The following GRB10 variants were observed in gnomAD, a reference collection of about 807,000 sequenced individuals.
GRB10 encodes the protein growth factor receptor-bound protein 10.
A neutral mutation model predicts 80.9 loss-of-function variants in GRB10; 20 were observed. That is an observed-to-expected ratio of 0.25 (90% CI 0.17 to 0.36). The LOEUF (loss-of-function observed/expected upper bound fraction) is 0.36, where lower values mean the gene tolerates loss of function less well. GRB10 is among the 10% of genes least tolerant of loss of function. The probability of loss-of-function intolerance (pLI) is 1.00; values close to 1 mark genes in which losing one functional copy is unlikely to be tolerated. For synonymous variants in GRB10, 291 were observed against 291.5 expected (o/e 1.00, Z 0.02); for missense variants, 548 against 747.7 (o/e 0.73, Z 3.12).
chr7:50,720,088 G>GCACTTTTCCTACCACT (rs2067470913), intron 4 of GRB10, among the ~76,000 whole-genome samples: 1 of 152,042 alleles, frequency 6.6e-6, no homozygotes, highest in African/African-American at 2.4e-5. Context: ...AAGAAACACG[G>GCACTTTTCCTACCACT]TTTCCTACCA....
At chr7:50,784,899 G>C (rs1199719771), upstream of GRB10, among the ~76,000 whole-genome samples, 1 of 152,234 alleles carries the variant, frequency 6.6e-6, no homozygotes, top group Non-Finnish European at 1.5e-5. Context: ...AAAACAAGAA[G>C]ATTAATCGGA....
intron 8 of GRB10, among the ~76,000 whole-genome samples, chr7:50,623,245 C>A (rs1454681864): frequency 6.6e-6 from 1 of 152,208 alleles, no homozygotes; most frequent in African/African-American, 2.4e-5. Flanking sequence ...ACATCCCCAA[C>A]AGGTAGAACC....
intron 14 of GRB10, 50 bp downstream of exon 14, chr7:50,606,287 T>A: frequency 7.1e-7 from 1 of 1,401,816 alleles, no homozygotes; most frequent in South Asian, 1.2e-5. Flanking sequence ...ACACATGTGA[T>A]GCAGAAGCTG....
At chr7:50,781,900 G>C (rs1305880450) in intron 1 of GRB10, among the ~76,000 whole-genome samples, 2 of 152,238 alleles carry the variant, frequency 1.3e-5, no homozygotes, top group Non-Finnish European at 2.9e-5. Flanking sequence ...TGGAGAAAGA[G>C]GCAACGTTGA....
At chr7:50,650,762 G>A (rs958004517) in intron 7 of GRB10, among the ~76,000 whole-genome samples, 5 of 152,188 alleles carry the variant, frequency 3.3e-5, no homozygotes, top group Non-Finnish European at 7.3e-5. Flanking sequence ...GACACCAGGT[G>A]AGAAGTTAGA....
At chr7:50,705,922 C>T (rs982403657) in intron 4 of GRB10, among the ~76,000 whole-genome samples, 6 of 152,226 alleles carry the variant, frequency 3.9e-5, no homozygotes, top group African/African-American at 1.4e-4. Context: ...GCTCCCCTGG[C>T]TATCTGAGAG....
At chr7:50,653,168 C>A (rs528054119) in intron 7 of GRB10, among the ~76,000 whole-genome samples, 1 of 152,168 alleles carries the variant, frequency 6.6e-6, no homozygotes, top group Non-Finnish European at 1.5e-5. Flanking sequence ...TTCCTGGGCA[C>A]GGGCAGCAGG....
intron 4 of GRB10, among the ~76,000 whole-genome samples, chr7:50,716,124 G>A (rs560121846): frequency 5.9e-5 from 9 of 152,330 alleles, no homozygotes; most frequent in Admixed American, 4.6e-4. Flanking sequence ...CCAAGACTGG[G>A]AAGAACCACC....
intron 2 of GRB10, among the ~76,000 whole-genome samples, chr7:50,768,395 A>C (rs1272916986): frequency 6.6e-6 from 1 of 152,190 alleles, no homozygotes; most frequent in African/African-American, 2.4e-5. Context: ...TTAAGACTTC[A>C]ATTGCCCTAA....
Position 50,605,415 on chromosome 7 carries a change from G to C in GRB10, c.1273-9C>G. 1 of 1,604,584 alleles carries C rather than the reference G, an allele frequency of 6.2e-7. No individual in the cohort carries two copies. The stretch of plus-strand genomic sequence containing the variant: ...TTCTCGGAGACACTGCGCTGAAAAG[G>C]AAAGGCCGCAGTTCTTAAAATGCAG... On this transcript the variant is annotated splice_polypyrimidine_tract_variant and intron_variant, in intron 14 of 18. Coordinates refer to ENST00000401949, the MANE Select transcript of GRB10 (RefSeq NM_001350814.2).
chr7:50,736,981 C>A (rs2070904608), intron 3 of GRB10, among the ~76,000 whole-genome samples: 1 of 152,024 alleles, frequency 6.6e-6, no homozygotes, highest in Non-Finnish European at 1.5e-5. Flanking sequence ...TTAAATATGA[C>A]AATGATTTCT....
At chr7:50,680,328 C>A (rs2061403944) in intron 5 of GRB10, among the ~76,000 whole-genome samples, 1 of 152,210 alleles carries the variant, frequency 6.6e-6, no homozygotes, top group South Asian at 2.1e-4. Flanking sequence ...CTTCTCCCAA[C>A]CTTTGTTGAA....
intron 5 of GRB10, 97 bp downstream of exon 5, chr7:50,703,724 A>G: frequency 1.2e-6 from 1 of 838,580 alleles, no homozygotes; most frequent in Non-Finnish European, 2.1e-6. Flanking sequence ...TAGAATTGTA[A>G]TCTATTAGTG....
chr7:50,608,927 C>G (rs901489719), intron 13 of GRB10, among the ~76,000 whole-genome samples: 1 of 147,098 alleles, frequency 6.8e-6, no homozygotes, highest in Non-Finnish European at 1.5e-5. Context: ...CTCATGCCAC[C>G]GTACTCCAGC....
rs116937046 is a variant in GRB10, at chr7:50,686,576, G to C, written c.140-11918C>G. On this transcript the variant is annotated intron_variant, in intron 5 of 18. Coordinates refer to ENST00000401949, the MANE Select transcript of GRB10 (RefSeq NM_001350814.2). ...CAAGCACAGGGAGAGAGATTTCACA[G>C]TGGGGAGTCATGAGAGAGGAAAAGA... Among the ~76,000 whole-genome samples, 187 of 152,332 alleles carry C rather than the reference G, an allele frequency of 1.2e-3. 1 individual carries two copies. Among genetic ancestry groups the C allele is most frequent in the Non-Finnish European group, 1.7e-3 (113 of 68,032 alleles).
chr7:50,755,130 G>C (rs1045698722), intron 3 of GRB10, among the ~76,000 whole-genome samples: 5 of 152,232 alleles, frequency 3.3e-5, no homozygotes, highest in African/African-American at 1.2e-4. Context: ...ATACTGCGGG[G>C]AAGCCCGAGC....
chr7:50,667,469 A>T (rs189533962), intron 7 of GRB10, among the ~76,000 whole-genome samples: 7 of 152,250 alleles, frequency 4.6e-5, no homozygotes, highest in African/African-American at 1.7e-4. Context: ...CTTTTCCTCA[A>T]GCAAGGGGCA....
chr7:50,729,750 C>T (rs998162886), intron 4 of GRB10, among the ~76,000 whole-genome samples: 2 of 141,584 alleles, frequency 1.4e-5, no homozygotes, highest in African/African-American at 2.5e-5. Context: ...GGCAGCCGGC[C>T]CTCTCTCCCC....
At chr7:50,619,311 A>G in intron 8 of GRB10, 26 bp from the exon 9 acceptor site, 1 of 1,331,068 alleles carries the variant, frequency 7.5e-7, no homozygotes. Context: ...ATCACGTGTG[A>G]GACGCAACAG....
Sources: allele counts gnomAD v4.1 joint callset (sites outside exome capture counted in the v4.1 genomes callset), GRCh38; gene constraint gnomAD v4.1.1; transcripts MANE v1.5; gene names NCBI Gene and HGNC (gene_info 2026-07-23, HGNC 2026-07-21).